FOCAD: variants seen among roughly 807,000 people sequenced by gnomAD.
FOCAD encodes the protein KIAA1797.
FOCAD carries 198 observed loss-of-function variants against 225.6 expected under a neutral mutation model. The observed-to-expected ratio is 0.88, with a 90% CI of 0.78 to 0.99. FOCAD has a LOEUF of 0.99. Ranked by LOEUF, FOCAD falls within the 50% of genes least tolerant of loss-of-function variation. The pLI is 0.00. For synonymous variants in FOCAD, 897 were observed against 755.0 expected (o/e 1.19, Z -3.08); for missense variants, 2,713 against 2,123.6 (o/e 1.28, Z -5.46).
chr9:20,700,372 G>A (rs545126314), intron 1 of FOCAD, among the ~76,000 whole-genome samples: 1 of 151,782 alleles, frequency 6.6e-6, no homozygotes, highest in African/African-American at 2.4e-5. Context: ...AAACAGTCTT[G>A]TTAGCTTTTA....
intron 7 of FOCAD, among the ~76,000 whole-genome samples, chr9:20,769,621 G>T (rs531820304): frequency 4.5e-4 from 69 of 152,354 alleles, no homozygotes; most frequent in Non-Finnish European, 8.8e-4. Context: ...TTAGTACCGT[G>T]TTAGAATAAC....
intron 8 of FOCAD, among the ~76,000 whole-genome samples, chr9:20,772,366 G>A (rs879325890): frequency 2.6e-5 from 4 of 152,152 alleles, no homozygotes; most frequent in Non-Finnish European, 4.4e-5. Flanking sequence ...TAACTTTGGG[G>A]TGGGGATTTT....
chr9:20,889,928 A>G (rs1831469074), intron 21 of FOCAD, among the ~76,000 whole-genome samples: 1 of 152,102 alleles, frequency 6.6e-6, no homozygotes, highest in Non-Finnish European at 1.5e-5. Flanking sequence ...ATATTTTGTT[A>G]AAGTTCGTAA....
chr9:20,821,472 C>A (rs142513516), intron 14 of FOCAD, among the ~76,000 whole-genome samples: 1 of 151,654 alleles, frequency 6.6e-6, no homozygotes, highest in South Asian at 2.1e-4. Flanking sequence ...AATGGGGAGA[C>A]CTTATTTTTG....
At chr9:20,847,635 A>G (rs1023733300) in intron 15 of FOCAD, among the ~76,000 whole-genome samples, 1 of 152,064 alleles carries the variant, frequency 6.6e-6, no homozygotes, top group African/African-American at 2.4e-5. Flanking sequence ...CTTGGCAATA[A>G]GAGTACATAA....
intron 5 of FOCAD, among the ~76,000 whole-genome samples, chr9:20,755,012 T>C (rs1309597384): frequency 6.6e-6 from 1 of 152,200 alleles, no homozygotes; most frequent in Non-Finnish European, 1.5e-5. Context: ...AGTATTAAAA[T>C]TGTGGCAGTT....
rs1317011692 is a variant in FOCAD, at chr9:20,995,483, A to C, written c.5333-73A>C. 22 of 1,297,942 alleles carry C rather than the reference A, an allele frequency of 1.7e-5. No individual in the cohort carries two copies. In the South Asian group the frequency reaches 2.6e-4, roughly 16 times the overall value. 80.4% of individuals were successfully genotyped at this position (1,297,942 alleles called of 1,614,324 possible). A position where few individuals can be genotyped will look rare whatever the true frequency, so the allele number is the denominator to read the frequency against. On this transcript the variant is annotated intron_variant, in intron 43 of 43. Transcript: ENST00000338382. The stretch of plus-strand genomic sequence containing the variant: ...ACATTAGCCAAGTGAGAAAAAGACA[A>C]ATTCTGTTCTGACACCTTTTTGATC...
chr9:20,949,036 A>G, intron 32 of FOCAD, 108 bp downstream of exon 32: 2 of 995,564 alleles, frequency 2.0e-6, no homozygotes, highest in Non-Finnish European at 3.1e-6. Context: ...ATTTATGCTC[A>G]TGGTAATAGT....
At chr9:20,932,040 C>A (rs922018113) in intron 27 of FOCAD, among the ~76,000 whole-genome samples, 13 of 152,016 alleles carry the variant, frequency 8.6e-5, no homozygotes, top group African/African-American at 3.1e-4. Context: ...CAGCTTCTTG[C>A]TTCTGTCATA....
At chr9:20,903,333 C>T (rs1416578794) in intron 21 of FOCAD, among the ~76,000 whole-genome samples, 2 of 151,902 alleles carry the variant, frequency 1.3e-5, no homozygotes, top group Non-Finnish European at 2.9e-5. Flanking sequence ...AATCATCATT[C>T]TACTGTGTTA....
At chr9:20,736,669 T>C (rs1827176621) in intron 4 of FOCAD, among the ~76,000 whole-genome samples, 1 of 152,180 alleles carries the variant, frequency 6.6e-6, no homozygotes, top group South Asian at 2.1e-4. Flanking sequence ...CTTTATGTTA[T>C]AGTATAAGTT....
intron 11 of FOCAD, among the ~76,000 whole-genome samples, chr9:20,799,177 C>T (rs1371830899): frequency 9.2e-5 from 14 of 152,054 alleles, no homozygotes; most frequent in East Asian, 3.9e-4. Flanking sequence ...TTCTTAATCC[C>T]GAGTTCCAGT....
In FOCAD at chr9:20,923,642, T is replaced by A; in HGVS notation, c.2853-18T>A. On this transcript the variant is annotated intron_variant, in intron 24 of 43. Coordinates refer to ENST00000338382, the MANE Select transcript of FOCAD (RefSeq NM_001375567.1). The stretch of plus-strand genomic sequence containing the variant: ...TAATACCAAAGTTCTCTGTTGAAAT[T>A]TTTTTCCTTTTGAACAGGGAGAGTC... 1 of 1,605,990 alleles carries A rather than the reference T, an allele frequency of 6.2e-7. No homozygotes were observed. The highest frequency in any genetic ancestry group is 8.5e-7 in the Non-Finnish European group (1 of 1,173,402).
At chr9:20,869,693 G>A (rs1178364761) in intron 18 of FOCAD, among the ~76,000 whole-genome samples, 1 of 152,124 alleles carries the variant, frequency 6.6e-6, no homozygotes, top group Non-Finnish European at 1.5e-5. Flanking sequence ...GAATTTCTGT[G>A]GGATTAGAGG....
intron 2 of FOCAD, among the ~76,000 whole-genome samples, chr9:20,669,229 G>C (rs1259336916): frequency 6.6e-6 from 1 of 152,088 alleles, no homozygotes; most frequent in African/African-American, 2.4e-5. Flanking sequence ...GATCGGCACT[G>C]GAGAGAGGCC....
At chr9:20,704,224 A>G (rs1824200778) in intron 1 of FOCAD, among the ~76,000 whole-genome samples, 1 of 152,254 alleles carries the variant, frequency 6.6e-6, no homozygotes, top group Non-Finnish European at 1.5e-5. Flanking sequence ...ACTCAAATAC[A>G]GAGATACTCT....
intron 7 of FOCAD, among the ~76,000 whole-genome samples, chr9:20,766,855 A>G (rs1400935541): frequency 6.6e-6 from 1 of 151,848 alleles, no homozygotes; most frequent in African/African-American, 2.4e-5. Flanking sequence ...TTTAAGTTTT[A>G]GGGTACATGT....
chr9:20,877,708 G>A (rs1182976202), intron 19 of FOCAD, among the ~76,000 whole-genome samples: 1 of 152,016 alleles, frequency 6.6e-6, no homozygotes, highest in Non-Finnish European at 1.5e-5. Context: ...CCTCAAGCTC[G>A]AGACCAGCCT....
At chr9:20,785,438 A>G (rs930325296) in intron 10 of FOCAD, among the ~76,000 whole-genome samples, 1 of 152,096 alleles carries the variant, frequency 6.6e-6, no homozygotes, top group East Asian at 1.9e-4. Flanking sequence ...GGCAGTCCCT[A>G]ATCTGCTTGT....
Sources: gnomAD v4.1 joint callset for allele counts (sites outside exome capture counted in the v4.1 genomes callset) on GRCh38, gnomAD v4.1.1 for gene constraint, MANE v1.5 for transcripts, NCBI Gene and HGNC (gene_info 2026-07-23, HGNC 2026-07-21) for gene names.